Variants in TMEM174 observed in about 807,000 individuals in gnomAD.
TMEM174 encodes transmembrane protein 174.
TMEM174 carries 11 observed loss-of-function variants against 15.1 expected under a neutral mutation model. That is an observed-to-expected ratio of 0.73 (90% confidence interval 0.46 to 1.20). The LOEUF (loss-of-function observed/expected upper bound fraction) is 1.20, where lower values mean the gene tolerates loss of function less well. TMEM174 is among the 50% of genes most tolerant of loss of function. The pLI is 0.00. For missense variants in TMEM174, 321 were observed against 303.6 expected (o/e 1.06, Z -0.43); for synonymous variants, 130 against 121.3 (o/e 1.07, Z -0.47).
chr5:73,173,300 T>C lies in TMEM174; in HGVS notation c.57T>C (p.Thr19=). 1.3e-6 allele frequency: 2 copies of C among 1,567,748 alleles called. No individual in the cohort carries two copies. Among genetic ancestry groups the C allele is most frequent in the Non-Finnish European group, 8.7e-7 (1 of 1,155,336 alleles). ...EDFPVNVFSV[T]PYTPSTADIQ... ...TCCCTGTCAATGTGTTCTCCGTCAC[T>C]CCTTACACACCCAGCACCGCTGACA... is the stretch of plus-strand genomic sequence containing the variant. Residue 19 remains threonine, a synonymous_variant, in exon 1 of 2, where the codon ACT becomes ACC. Transcript: ENST00000296776.
chr5:73,175,026 T>C lies in TMEM174; in HGVS notation c.*861T>C, dbSNP rs998243. On this transcript the variant is annotated 3_prime_UTR_variant, in exon 2 of 2. Coordinates refer to ENST00000296776, the MANE Select transcript of TMEM174 (RefSeq NM_153217.3). ...GGACTTCCCTAAGTACCCGTAGGTC[T>C]GTGGAGCAAGACAGAGCAGAGTTGC... The C allele has an allele frequency of 0.34, 51,844 of 152,276 alleles. 9,924 individuals carry two copies. Among genetic ancestry groups the C allele is most frequent in the Admixed American group, 0.43 (6,585 of 15,284 alleles). The allele number at this position is 152,276 out of a possible 1,614,324, so 9.4% of individuals were successfully genotyped here. A position where few individuals can be genotyped will look rare whatever the true frequency, so the allele number is the denominator to read the frequency against.
At position 73,173,306 on chromosome 5, in the gene TMEM174, C is replaced by G. The variant is rs139559450; in HGVS notation, c.63C>G (p.Tyr21Ter). The change falls in exon 1 of 2, where the codon TAC becomes TAG. Residue 21 changes from tyrosine (Y) to a stop codon, truncating the protein, a stop_gained. Transcript: ENST00000296776. LOFTEE classifies it high-confidence loss of function. ...TCAATGTGTTCTCCGTCACTCCTTA[C>G]ACACCCAGCACCGCTGACATCCAGG... ...FPVNVFSVTP[Y>*]TPSTADIQVS... The G allele has an allele frequency of 1.1e-5, 18 of 1,572,688 alleles. No homozygotes were observed. The African/African-American group carries it at 2.2e-4, about 19-fold the overall frequency.
In TMEM174 at chr5:73,174,331, C is replaced by A; in HGVS notation, c.*166C>A. The A allele has an allele frequency of 1.6e-6, 1 of 617,826 alleles. No individual in the cohort carries two copies. Among genetic ancestry groups the A allele is most frequent in the Non-Finnish European group, 2.8e-6 (1 of 358,462 alleles). The allele number at this position is 617,826 out of a possible 1,614,324, so 38.3% of individuals were successfully genotyped here. On this transcript the variant is annotated 3_prime_UTR_variant, in exon 2 of 2. Coordinates refer to ENST00000296776, the MANE Select transcript of TMEM174 (RefSeq NM_153217.3). ...GGGGGGAAAGGGGAAGTGGGAGGTG[C>A]AATTTCTCAGATTGGTAAAAATTAG... is the stretch of plus-strand genomic sequence containing the variant.
Position 73,173,398 on chromosome 5 carries a change from T to A in TMEM174, c.155T>A (p.Ile52Asn). 6.2e-7 allele frequency: 1 copy of A among 1,613,118 alleles called. No individual in the cohort carries two copies. The highest frequency in any genetic ancestry group is 8.5e-7 in the Non-Finnish European group (1 of 1,179,084). The change falls in exon 1 of 2, where the codon ATC (isoleucine) becomes AAC (asparagine). Residue 52 changes from isoleucine to asparagine, a missense_variant. Ile to Asn is a moderately radical substitution (Grantham distance 149). Transcript: ENST00000296776. The stretch of plus-strand genomic sequence containing the variant: ...GGCATCTTTCTGGGACTGGTGGGGA[T>A]CACATTCACTGTCATGGGCTGGATC... ...FSGIFLGLVGITFTVMGWIKY... is the reference protein window; with the variant it reads ...FSGIFLGLVGNTFTVMGWIKY...
In TMEM174 at chr5:73,173,661, A is replaced by G. The variant is rs764085540; in HGVS notation, c.418A>G (p.Ile140Val). 1 of 1,614,144 alleles carries G rather than the reference A, an allele frequency of 6.2e-7. No individual in the cohort carries two copies. The highest frequency in any genetic ancestry group is 1.3e-5 in the African/African-American group (1 of 75,024). Residue 140 changes from isoleucine (I) to valine (V), a missense_variant, in exon 1 of 2, where the codon ATC (isoleucine) becomes GTC (valine). By Grantham distance (29) the Ile-to-Val change is conservative (BLOSUM62 3). Transcript: ENST00000296776. ...CCATGGGGCCACTGTGGTGCAGTAC[A>G]TCCCTCCTCCTTATGGTTCTCCAGA... ...TFHGATVVQYIPPPYGSPEPM... is the reference protein window; with the variant it reads ...TFHGATVVQYVPPPYGSPEPM...
At chr5:73,174,026 C>T in intron 1 of TMEM174, 34 bp from the exon 2 acceptor site, 1 of 1,612,040 alleles carries the variant, frequency 6.2e-7, no homozygotes, top group Non-Finnish European at 8.5e-7. Flanking sequence ...TGCTTTGGAC[C>T]ATAATGTACC....
Position 73,173,839 on chromosome 5 carries a change from G to A in TMEM174, c.596G>A (p.Cys199Tyr). 1 of 1,613,292 alleles carries A rather than the reference G, an allele frequency of 6.2e-7. No homozygotes were observed. The highest frequency in any genetic ancestry group is 8.5e-7 in the Non-Finnish European group (1 of 1,179,280). The change falls in exon 1 of 2, where the codon TGC becomes TAC. Residue 199 changes from cysteine (C) to tyrosine (Y), a missense_variant. Physicochemically the swap from Cys to Tyr is radical, Grantham distance 194. Coordinates refer to ENST00000296776, the MANE Select transcript of TMEM174 (RefSeq NM_153217.3). ...TCTGCATTTGTGGTTGATGAGGGCT[G>A]CCTTTCTTTCACGGACGGTGGAAAT... Reference protein sequence around the residue: ...DNSAFVVDEGCLSFTDGGNHR... With the variant: ...DNSAFVVDEGYLSFTDGGNHR...
chr5:73,173,532 T>C lies in TMEM174; in HGVS notation c.289T>C (p.Ser97Pro). Residue 97 changes from serine to proline, a missense_variant, in exon 1 of 2, where the codon TCC (serine) becomes CCC (proline). Ser to Pro is a moderately conservative substitution (Grantham distance 74, BLOSUM62 -1). Transcript: ENST00000296776. Reference protein sequence around the residue: ...LIAVCKFKMLSCQLCKESEER... With the variant: ...LIAVCKFKMLPCQLCKESEER... ...TGCTGTGTGCAAGTTCAAAATGCTC[T>C]CCTGCCAGTTGTGCAAAGAAAGTGA... 2 of 1,614,232 alleles carry C rather than the reference T, an allele frequency of 1.2e-6. No homozygotes were observed. The highest frequency in any genetic ancestry group is 1.7e-5 in the Admixed American group (1 of 60,022).
Position 73,173,870 on chromosome 5 carries a change from G to A in TMEM174, c.626+1G>A, listed in dbSNP as rs1342812235. On this transcript the variant is annotated splice_donor_variant, in intron 1 of 1. Transcript: ENST00000296776. LOFTEE classifies it high-confidence loss of function. ...CTTTCACGGACGGTGGAAATCACAG[G>A]TATGGCGTGTCTACTGGGGGAATGC... is the stretch of plus-strand genomic sequence containing the variant. The A allele has an allele frequency of 6.2e-7, 1 of 1,610,012 alleles. No individual in the cohort carries two copies. Among genetic ancestry groups the A allele is most frequent in the Non-Finnish European group, 8.5e-7 (1 of 1,177,308 alleles).
At position 73,174,227 on chromosome 5, in the gene TMEM174, A is replaced by G. The variant is rs1231324623; in HGVS notation, c.*62A>G. On this transcript the variant is annotated 3_prime_UTR_variant, in exon 2 of 2. Transcript: ENST00000296776. ...GGGAGCAAGTGTTTCCGTCATTGTT[A>G]CCTGACAACCGTGGTGTTCTATGTT... 6.7e-7 allele frequency: 1 copy of G among 1,484,520 alleles called. No homozygotes were observed. The highest frequency in any genetic ancestry group is 1.4e-5 in the African/African-American group (1 of 72,428). 92.0% of individuals were successfully genotyped at this position (1,484,520 alleles called of 1,614,324 possible).
Position 73,173,879 on chromosome 5 carries a change from G to T in TMEM174, c.626+10G>T, listed in dbSNP as rs1186271975. 2 of 1,607,228 alleles carry T rather than the reference G, an allele frequency of 1.2e-6. No individual in the cohort carries two copies. Among genetic ancestry groups the T allele is most frequent in the Admixed American group, 3.3e-5 (2 of 59,776 alleles). On this transcript the variant is annotated intron_variant, in intron 1 of 1. Transcript: ENST00000296776. The stretch of plus-strand genomic sequence containing the variant: ...ACGGTGGAAATCACAGGTATGGCGT[G>T]TCTACTGGGGGAATGCACTCCTTCT...
chr5:73,173,833 A>G lies in TMEM174; in HGVS notation c.590A>G (p.Glu197Gly). The change falls in exon 1 of 2, where the codon GAG (glutamate) becomes GGG (glycine). Residue 197 changes from glutamate to glycine, a missense_variant. Glu to Gly is a moderately conservative substitution (Grantham distance 98). Coordinates refer to ENST00000296776, the MANE Select transcript of TMEM174 (RefSeq NM_153217.3). ...PQDNSAFVVD[E>G]GCLSFTDGGN... The stretch of plus-strand genomic sequence containing the variant: ...GATAACTCTGCATTTGTGGTTGATG[A>G]GGGCTGCCTTTCTTTCACGGACGGT... 1 of 1,613,478 alleles carries G rather than the reference A, an allele frequency of 6.2e-7. No homozygotes were observed. Among genetic ancestry groups the G allele is most frequent in the Admixed American group, 1.7e-5 (1 of 60,002 alleles).
In TMEM174 at chr5:73,175,142, A is replaced by G. The variant is rs1745047533; in HGVS notation, c.*977A>G. ...TCATTAAAAAAACTTTGGTGTCCTT[A>G]ATCTCTCTGAATTTGGCTGTGTAAT... On this transcript the variant is annotated 3_prime_UTR_variant, in exon 2 of 2. Coordinates refer to ENST00000296776, the MANE Select transcript of TMEM174 (RefSeq NM_153217.3). 1 of 152,362 alleles carries G rather than the reference A, an allele frequency of 6.6e-6. No individual in the cohort carries two copies. Among genetic ancestry groups the G allele is most frequent in the Non-Finnish European group, 1.5e-5 (1 of 68,044 alleles). 9.4% of individuals were successfully genotyped at this position (152,362 alleles called of 1,614,324 possible).
Position 73,173,491 on chromosome 5 carries a change from T to A in TMEM174, c.248T>A (p.Val83Glu). ...LLGPVLLSVG[V>E]TFILIAVCKF... The stretch of plus-strand genomic sequence containing the variant: ...GGGCCCGTCCTGCTGTCAGTTGGGG[T>A]GACATTCATCCTGATTGCTGTGTGC... Residue 83 changes from valine to glutamate, a missense_variant, in exon 1 of 2, where the codon GTG becomes GAG. By Grantham distance (121) the Val-to-Glu change is moderately radical (BLOSUM62 -2). Transcript: ENST00000296776. The A allele has an allele frequency of 6.2e-7, 1 of 1,614,188 alleles. No individual in the cohort carries two copies. Among genetic ancestry groups the A allele is most frequent in the Non-Finnish European group, 8.5e-7 (1 of 1,180,036 alleles).
chr5:73,173,792 C>T lies in TMEM174; in HGVS notation c.549C>T (p.Tyr183=). 6.2e-7 allele frequency: 1 copy of T among 1,614,238 alleles called. No homozygotes were observed. The highest frequency in any genetic ancestry group is 8.5e-7 in the Non-Finnish European group (1 of 1,180,048). ...CCATGTCAAGTCCTCCTCAATACTA[C>T]ACCATCTACCCTCAAGATAACTCTG... The part of the protein sequence containing the change: ...AAAMSSPPQY[Y]TIYPQDNSAF... Residue 183 remains tyrosine (Y), a synonymous_variant, in exon 1 of 2, where the codon TAC becomes TAT. Coordinates refer to ENST00000296776, the MANE Select transcript of TMEM174 (RefSeq NM_153217.3).
Position 73,174,333 on chromosome 5 carries a change from A to G in TMEM174, c.*168A>G. The G allele has an allele frequency of 1.6e-6, 1 of 610,266 alleles. No individual in the cohort carries two copies. Among genetic ancestry groups the G allele is most frequent in the Non-Finnish European group, 2.8e-6 (1 of 352,148 alleles). 37.8% of individuals were successfully genotyped at this position (610,266 alleles called of 1,614,324 possible). A position where few individuals can be genotyped will look rare whatever the true frequency, so the allele number is the denominator to read the frequency against. ...GGGGAAAGGGGAAGTGGGAGGTGCAATTTCTCAGATTGGTAAAAATTAGGC... is the reference window on the plus strand; with the variant it reads ...GGGGAAAGGGGAAGTGGGAGGTGCAGTTTCTCAGATTGGTAAAAATTAGGC... On this transcript the variant is annotated 3_prime_UTR_variant, in exon 2 of 2. Coordinates refer to ENST00000296776, the MANE Select transcript of TMEM174 (RefSeq NM_153217.3).
At position 73,173,377 on chromosome 5, in the gene TMEM174, T is replaced by A; in HGVS notation, c.134T>A (p.Ile45Asn). The A allele has an allele frequency of 1.2e-6, 2 of 1,611,024 alleles. No individual in the cohort carries two copies. The highest frequency in any genetic ancestry group is 1.7e-6 in the Non-Finnish European group (2 of 1,177,420). ...GGGGCCACCTTGCTCTTCTCAGGCA[T>A]CTTTCTGGGACTGGTGGGGATCACA... ...KAGATLLFSG[I>N]FLGLVGITFT... Residue 45 changes from isoleucine to asparagine, a missense_variant, in exon 1 of 2, where the codon ATC (isoleucine) becomes AAC (asparagine). By Grantham distance (149) the Ile-to-Asn change is moderately radical. Coordinates refer to ENST00000296776, the MANE Select transcript of TMEM174 (RefSeq NM_153217.3).
Position 73,174,516 on chromosome 5 carries a change from A to G in TMEM174, c.*351A>G, listed in dbSNP as rs777741254. ...GGCTCAATTTTAACCCCAGCAGCCA[A>G]TGGAAAAATCACGACTTCTGAGACT... is the stretch of plus-strand genomic sequence containing the variant. On this transcript the variant is annotated 3_prime_UTR_variant, in exon 2 of 2. Coordinates refer to ENST00000296776, the MANE Select transcript of TMEM174 (RefSeq NM_153217.3). 2.7e-5 allele frequency: 5 copies of G among 185,336 alleles called. No homozygotes were observed. Among genetic ancestry groups the G allele is most frequent in the Non-Finnish European group, 5.6e-5 (5 of 89,610 alleles). The allele number at this position is 185,336 out of a possible 1,614,324, so 11.5% of individuals were successfully genotyped here. A position where few individuals can be genotyped will look rare whatever the true frequency, so the allele number is the denominator to read the frequency against.
In TMEM174 at chr5:73,174,261, C is replaced by T. The variant is rs754314165; in HGVS notation, c.*96C>T. The T allele has an allele frequency of 8.5e-7, 1 of 1,171,598 alleles. No individual in the cohort carries two copies. Among genetic ancestry groups the T allele is most frequent in the Non-Finnish European group, 1.2e-6 (1 of 802,246 alleles). 72.6% of individuals were successfully genotyped at this position (1,171,598 alleles called of 1,614,324 possible). On this transcript the variant is annotated 3_prime_UTR_variant, in exon 2 of 2. Coordinates refer to ENST00000296776, the MANE Select transcript of TMEM174 (RefSeq NM_153217.3). The stretch of plus-strand genomic sequence containing the variant: ...CCGTGGTGTTCTATGTTGTAACCTT[C>T]AGAAGTTACAGCAGCGCCCAGGCAG...
Sources: gnomAD v4.1 joint callset for allele counts on GRCh38, gnomAD v4.1.1 for gene constraint, MANE v1.5 for transcripts, NCBI Gene and HGNC (gene_info 2026-07-23, HGNC 2026-07-21) for gene names.